Variants in CEP112 observed in about 807,000 individuals in gnomAD.
The protein encoded by CEP112 is centrosomal protein 112, also known as centrosomal protein of 112 kDa.
Under a neutral mutation model 153.0 loss-of-function variants are expected in CEP112, and 127 were observed. The ratio of observed to expected loss-of-function variants is 0.83; its 90% CI spans 0.72 to 0.96. The LOEUF (loss-of-function observed/expected upper bound fraction) is 0.96, where lower values mean the gene tolerates loss of function less well. CEP112 is among the 40% of genes least tolerant of loss of function. CEP112 has a pLI of 0.00. For missense variants in CEP112, 1,089 were observed against 1,101.2 expected (o/e 0.99, Z 0.16); for synonymous variants, 358 against 374.4 (o/e 0.96, Z 0.51).
intron 17 of CEP112, among the ~76,000 whole-genome samples, chr17:65,966,772 C>T (rs766993275): frequency 5.3e-5 from 8 of 152,216 alleles, no homozygotes; most frequent in South Asian, 2.1e-4. Context: ...GTAGTCTCTG[C>T]TAAATTCTAG....
At chr17:66,092,236 C>T (rs1338938068) in intron 8 of CEP112, among the ~76,000 whole-genome samples, 1 of 151,762 alleles carries the variant, frequency 6.6e-6, no homozygotes, top group African/African-American at 2.4e-5. Flanking sequence ...GATGGGGTTT[C>T]ACCATGTTGG....
At chr17:65,961,311 T>C in intron 18 of CEP112, 152 bp downstream of exon 18, 1 of 684,044 alleles carries the variant, frequency 1.5e-6, no homozygotes, top group Non-Finnish European at 2.4e-6. Flanking sequence ...TGGTAACATC[T>C]CTTTCTCATT....
chr17:66,154,567 T>C (rs2071354188), intron 4 of CEP112, among the ~76,000 whole-genome samples: 1 of 152,092 alleles, frequency 6.6e-6, no homozygotes, highest in South Asian at 2.1e-4. Flanking sequence ...CACATATCCA[T>C]TGTGATAGAC....
At chr17:65,842,072 C>T (rs2057541526) in intron 21 of CEP112, among the ~76,000 whole-genome samples, 1 of 152,002 alleles carries the variant, frequency 6.6e-6, no homozygotes, top group Non-Finnish European at 1.5e-5. Flanking sequence ...TGATCTAAGG[C>T]ATTTTCATTT....
At chr17:66,150,060 ATTTTT>A (rs772359218) in intron 4 of CEP112, among the ~76,000 whole-genome samples, 5 of 123,030 alleles carry the variant, frequency 4.1e-5, no homozygotes, top group Middle Eastern at 4.6e-3. Flanking sequence ...TGCCCAGCTA[ATTTTT>A]TTTTTTTTTT....
At position 66,057,230 on chromosome 17, in the gene CEP112, C is replaced by G. The variant is rs573672405; in HGVS notation, c.1075-3351G>C. Among the ~76,000 whole-genome samples, 3 of 152,156 alleles carry G rather than the reference C, an allele frequency of 2.0e-5. No individual in the cohort carries two copies. The East Asian group carries it at 5.8e-4, about 30-fold the overall frequency. On this transcript the variant is annotated intron_variant, in intron 11 of 26. Transcript: ENST00000535342. ...TGATCTAGGCAAGAGACAGGGGTCT[C>G]CTGAACTAAGGAAGGAAGAGTGGTA...
intron 12 of CEP112, among the ~76,000 whole-genome samples, chr17:66,037,194 G>T (rs915910653): frequency 6.6e-6 from 1 of 152,118 alleles, no homozygotes; most frequent in African/African-American, 2.4e-5. Flanking sequence ...ATTATCCAAT[G>T]ATTTCTTAAA....
intron 23 of CEP112, among the ~76,000 whole-genome samples, chr17:65,725,136 G>A (rs182976335): frequency 1.4e-4 from 21 of 152,282 alleles, no homozygotes; most frequent in African/African-American, 4.1e-4. Flanking sequence ...TAAAAGAGGA[G>A]TTTGTTAAAC....
At chr17:66,081,866 G>A (rs1163351446) in intron 8 of CEP112, among the ~76,000 whole-genome samples, 1 of 152,144 alleles carries the variant, frequency 6.6e-6, no homozygotes, top group African/African-American at 2.4e-5. Context: ...GGTGAGCCGA[G>A]ATTGCGCCAC....
chr17:65,734,633 T>C (rs906589585), intron 23 of CEP112, among the ~76,000 whole-genome samples: 1 of 152,206 alleles, frequency 6.6e-6, no homozygotes, highest in Non-Finnish European at 1.5e-5. Context: ...ATCTTTTCAA[T>C]GTCTGATTTG....
chr17:66,087,581 T>C (rs188864026), intron 8 of CEP112, among the ~76,000 whole-genome samples: 2 of 152,316 alleles, frequency 1.3e-5, no homozygotes, highest in African/African-American at 4.8e-5. Flanking sequence ...GTCAGCAAGA[T>C]GGCAGACTAG....
At chr17:65,900,415 T>C (rs1388941548) in intron 20 of CEP112, among the ~76,000 whole-genome samples, 1 of 152,130 alleles carries the variant, frequency 6.6e-6, no homozygotes, top group African/African-American at 2.4e-5. Flanking sequence ...AATAGCCTCA[T>C]TGTACTATCC....
At chr17:65,639,272 C>A (rs1006760545) in intron 25 of CEP112, among the ~76,000 whole-genome samples, 2 of 152,216 alleles carry the variant, frequency 1.3e-5, no homozygotes, top group South Asian at 4.2e-4. Flanking sequence ...CAAACCATAT[C>A]ATTTATTTTA....
chr17:65,931,951 C>T (rs2061140247), intron 18 of CEP112, among the ~76,000 whole-genome samples: 1 of 152,204 alleles, frequency 6.6e-6, no homozygotes, highest in Non-Finnish European at 1.5e-5. Flanking sequence ...GAGACCTTGA[C>T]AGCATTGGAG....
At chr17:65,921,151 A>T (rs2060712165) in intron 19 of CEP112, among the ~76,000 whole-genome samples, 1 of 152,038 alleles carries the variant, frequency 6.6e-6, no homozygotes, top group Admixed American at 6.6e-5. Context: ...CAATATTCAA[A>T]CCATATTTCC....
At position 66,027,655 on chromosome 17, in the gene CEP112, T is replaced by A; in HGVS notation, c.1597-95A>T. ...ATTAAATCAATCAATCTACTTAATGTCAAACTTCAGTTCAGAGTTTTGCAT... is the reference window on the plus strand; with the variant it reads ...ATTAAATCAATCAATCTACTTAATGACAAACTTCAGTTCAGAGTTTTGCAT... On this transcript the variant is annotated intron_variant, in intron 15 of 26. Coordinates refer to ENST00000535342, the MANE Select transcript of CEP112 (RefSeq NM_001199165.4). 3 of 936,236 alleles carry A rather than the reference T, an allele frequency of 3.2e-6. No individual in the cohort carries two copies. In the South Asian group the frequency reaches 5.6e-5, roughly 18 times the overall value. 58.0% of individuals were successfully genotyped at this position (936,236 alleles called of 1,614,324 possible). A position where few individuals can be genotyped will look rare whatever the true frequency, so the allele number is the denominator to read the frequency against.
chr17:65,874,734 A>G (rs917254456), intron 20 of CEP112, among the ~76,000 whole-genome samples: 99 of 152,180 alleles, frequency 6.5e-4, no homozygotes, highest in African/African-American at 2.3e-3. Flanking sequence ...TGCAGTTTCT[A>G]TTTCTTACAG....
intron 6 of CEP112, among the ~76,000 whole-genome samples, chr17:66,124,090 G>A (rs972987584): frequency 4.6e-5 from 7 of 152,054 alleles, no homozygotes; most frequent in Non-Finnish European, 7.4e-5. Context: ...CCACTCAAGG[G>A]GTGGTCTGGG....
At chr17:65,974,819 T>C in intron 17 of CEP112, among the ~76,000 whole-genome samples, 1 of 152,004 alleles carries the variant, frequency 6.6e-6, no homozygotes, top group East Asian at 1.9e-4. Context: ...TAGAGACTAG[T>C]AAGATCATAT....
Sources: allele counts gnomAD v4.1 joint callset (sites outside exome capture counted in the v4.1 genomes callset), GRCh38; gene constraint gnomAD v4.1.1; transcripts MANE v1.5; gene names NCBI Gene and HGNC (gene_info 2026-07-23, HGNC 2026-07-21).